The following SLC7A14 variants were observed in gnomAD, a reference collection of about 807,000 sequenced individuals.
SLC7A14 encodes solute carrier family 7 member 14.
SLC7A14 carries 37 observed loss-of-function variants against 60.2 expected under a neutral mutation model. That is an observed-to-expected ratio of 0.61 (90% CI 0.47 to 0.81). The LOEUF (loss-of-function observed/expected upper bound fraction) is 0.81. Among genes scored for constraint, SLC7A14 ranks in the 30% least tolerant of loss-of-function variants. SLC7A14 has a pLI of 0.00. For synonymous variants in SLC7A14, 399 were observed against 395.8 expected (o/e 1.01, Z -0.10); for missense variants, 886 against 982.7 (o/e 0.90, Z 1.32).
chr3:170,510,668 A>C (rs962129105), intron 2 of SLC7A14, among the ~76,000 whole-genome samples: 2 of 152,190 alleles, frequency 1.3e-5, no homozygotes, highest in African/African-American at 4.8e-5. Context: ...CTTTCAACTA[A>C]AGAATCCACA....
At chr3:170,472,802 C>T (rs565515491) in intron 7 of SLC7A14, among the ~76,000 whole-genome samples, 6 of 151,302 alleles carry the variant, frequency 4.0e-5, no homozygotes, top group South Asian at 2.1e-4. Context: ...TTTGCAGTGA[C>T]GGGAAATATT....
At position 170,459,606 on chromosome 3, in the gene SLC7A14, T is replaced by A. The variant is rs1343866166; in HGVS notation, c.*7449A>T. 6.6e-6 allele frequency: 1 copy of A among 152,248 alleles called. No homozygotes were observed. Among genetic ancestry groups the A allele is most frequent in the Admixed American group, 6.5e-5 (1 of 15,290 alleles). The allele number at this position is 152,248 out of a possible 1,614,324, so 9.4% of individuals were successfully genotyped here. A position where few individuals can be genotyped will look rare whatever the true frequency, so the allele number is the denominator to read the frequency against. ...CTGTACTTTTTAAAATGTTTTATTC[T>A]GAAAATGAATTTTCCACAATAATGC... On this transcript the variant is annotated 3_prime_UTR_variant, in exon 8 of 8. Coordinates refer to ENST00000231706, the MANE Select transcript of SLC7A14 (RefSeq NM_020949.3).
intron 2 of SLC7A14, among the ~76,000 whole-genome samples, chr3:170,522,584 G>A (rs987446918): frequency 2.6e-5 from 4 of 152,202 alleles, no homozygotes; most frequent in Non-Finnish European, 5.9e-5. Context: ...GTTCTGGAAA[G>A]GGCAAACCGA....
intron 1 of SLC7A14, among the ~76,000 whole-genome samples, chr3:170,578,057 C>T (rs906658122): frequency 6.6e-6 from 1 of 152,224 alleles, no homozygotes; most frequent in Non-Finnish European, 1.5e-5. Flanking sequence ...AGTCAAAAAC[C>T]TAAAGGCAGA....
chr3:170,527,686 T>A (rs1350777222), intron 1 of SLC7A14, among the ~76,000 whole-genome samples: 1 of 152,150 alleles, frequency 6.6e-6, no homozygotes, highest in Non-Finnish European at 1.5e-5. Flanking sequence ...TTTTGGGAAT[T>A]TTTTTTACTC....
At chr3:170,534,323 A>G (rs764841512) in intron 1 of SLC7A14, among the ~76,000 whole-genome samples, 4 of 152,142 alleles carry the variant, frequency 2.6e-5, no homozygotes, top group Non-Finnish European at 5.9e-5. Context: ...GAAATGTAAA[A>G]TGTCTCTACT....
intron 1 of SLC7A14, among the ~76,000 whole-genome samples, chr3:170,541,863 A>T (rs1714026679): frequency 6.6e-6 from 1 of 152,218 alleles, no homozygotes; most frequent in South Asian, 2.1e-4. Flanking sequence ...TATTCCTTTA[A>T]AATCAGAAAA....
At chr3:170,561,523 A>G (rs937259474) in intron 1 of SLC7A14, among the ~76,000 whole-genome samples, 9 of 152,198 alleles carry the variant, frequency 5.9e-5, no homozygotes, top group African/African-American at 1.9e-4. Flanking sequence ...TGGGAACCTC[A>G]GTTTCTTTGT....
chr3:170,536,394 T>A (rs1302762534), intron 1 of SLC7A14, among the ~76,000 whole-genome samples: 2 of 152,226 alleles, frequency 1.3e-5, no homozygotes, highest in Non-Finnish European at 2.9e-5. Flanking sequence ...AAGACTGATA[T>A]AGCAATATTT....
At chr3:170,572,954 C>G (rs1714993677) in intron 1 of SLC7A14, among the ~76,000 whole-genome samples, 1 of 152,126 alleles carries the variant, frequency 6.6e-6, no homozygotes, top group Non-Finnish European at 1.5e-5. Flanking sequence ...TGTTTGGCCT[C>G]TTTTAGAGGT....
intron 4 of SLC7A14, among the ~76,000 whole-genome samples, chr3:170,489,471 C>T (rs1712144958): frequency 2.0e-5 from 3 of 152,178 alleles, no homozygotes; most frequent in Admixed American, 2.0e-4. Flanking sequence ...GAAAAGGGAA[C>T]ACTCGTACAC....
At chr3:170,476,901 T>C (rs1711634849) in intron 7 of SLC7A14, 1 of 152,230 alleles carries the variant, frequency 6.6e-6, no homozygotes. Flanking sequence ...CTGACTGTTT[T>C]TGCAAAATGC....
In SLC7A14 at chr3:170,543,784, C is replaced by G. The variant is rs1416924685; in HGVS notation, c.-152-16696G>C. Among the ~76,000 whole-genome samples the G allele has an allele frequency of 3.7e-5, 5 of 136,450 alleles. No homozygotes were observed. The Admixed American group carries it at 3.8e-4, about 11-fold the overall frequency. 89.5% of individuals were successfully genotyped at this position (136,450 alleles called of 152,430 possible). A position where few individuals can be genotyped will look rare whatever the true frequency, so the allele number is the denominator to read the frequency against. On this transcript the variant is annotated intron_variant, in intron 1 of 7. Coordinates refer to ENST00000231706, the MANE Select transcript of SLC7A14 (RefSeq NM_020949.3). Reference sequence around the variant, plus strand: ...TTTTTTTTTGAGATGGAGTCTTGCTCTGTTGCCCAGGCTGGAGTGCAGTGG... The same window carrying G: ...TTTTTTTTTGAGATGGAGTCTTGCTGTGTTGCCCAGGCTGGAGTGCAGTGG...
At chr3:170,478,495 A>G (rs1711703774) in intron 7 of SLC7A14, among the ~76,000 whole-genome samples, 1 of 152,198 alleles carries the variant, frequency 6.6e-6, no homozygotes. Context: ...AAATTGGGAC[A>G]AAATGCTTAC....
chr3:170,468,027 C>G (rs1447959624), intron 7 of SLC7A14, among the ~76,000 whole-genome samples: 1 of 152,200 alleles, frequency 6.6e-6, no homozygotes, highest in African/African-American at 2.4e-5. Context: ...GTGCATGCTA[C>G]TATTATGTCC....
chr3:170,521,086 G>T (rs992018401), intron 2 of SLC7A14, among the ~76,000 whole-genome samples: 11 of 152,216 alleles, frequency 7.2e-5, no homozygotes, highest in African/African-American at 2.7e-4. Context: ...GGCCTACTGA[G>T]CTATTGAAGA....
At chr3:170,497,194 T>C (rs1455310129) in intron 4 of SLC7A14, among the ~76,000 whole-genome samples, 6 of 152,132 alleles carry the variant, frequency 3.9e-5, no homozygotes, top group Non-Finnish European at 8.8e-5. Context: ...TTGTTTCTCT[T>C]ATATGATAGG....
chr3:170,498,969 C>T (rs7651299), intron 3 of SLC7A14, 85 bp from the exon 4 acceptor site: 7 of 1,340,398 alleles, frequency 5.2e-6, no homozygotes, highest in Non-Finnish European at 5.2e-6. Context: ...TGCATCCGTA[C>T]TCAGCTTTAA....
rs535673546 is a variant in SLC7A14, at chr3:170,555,459, TTG to T, written c.-152-28373_-152-28372del. On this transcript the variant is annotated intron_variant, in intron 1 of 7. Transcript: ENST00000231706. ...TTCTTATAAAATATGATTTGAATGG[TTG>T]TTCAACATTCCACTATATCCAGTCA... Among the ~76,000 whole-genome samples, 989 of 152,274 alleles carry T rather than the reference TTG, an allele frequency of 6.5e-3. 4 individuals are homozygous for T. Among genetic ancestry groups the T allele is most frequent in the Non-Finnish European group, 9.2e-3 (626 of 68,016 alleles).
Sources: allele counts gnomAD v4.1 joint callset (sites outside exome capture counted in the v4.1 genomes callset), GRCh38; gene constraint gnomAD v4.1.1; transcripts MANE v1.5; gene names NCBI Gene and HGNC (gene_info 2026-07-23, HGNC 2026-07-21).